The following TSHZ2 variants were observed in gnomAD, a reference collection of about 807,000 sequenced individuals.
TSHZ2 encodes the protein teashirt homolog 2.
In TSHZ2, 21 loss-of-function variants were observed where a neutral mutation model predicts 74.4. The ratio of observed to expected loss-of-function variants is 0.28; its 90% confidence interval spans 0.20 to 0.41. The LOEUF is 0.41. Among genes scored for constraint, TSHZ2 ranks in the 10% least tolerant of loss-of-function variants. The pLI is 1.00. For synonymous variants in TSHZ2, 540 were observed against 515.3 expected (o/e 1.05, Z -0.65); for missense variants, 1,244 against 1,293.5 (o/e 0.96, Z 0.59).
intron 1 of TSHZ2, among the ~76,000 whole-genome samples, chr20:53,245,626 C>A (rs73272887): frequency 0.017 from 2,548 of 152,282 alleles, 73 homozygotes; most frequent in African/African-American, 0.059. Context: ...CTCTAGAGAC[C>A]TTGTTAAATG....
At chr20:53,278,294 G>A (rs929867627) in intron 2 of TSHZ2, among the ~76,000 whole-genome samples, 2 of 152,172 alleles carry the variant, frequency 1.3e-5, no homozygotes, top group African/African-American at 4.8e-5. Flanking sequence ...ATTCTGAAAT[G>A]GTAGGTAGCC....
chr20:53,043,048 A>T (rs1227216730), intron 1 of TSHZ2, among the ~76,000 whole-genome samples: 1 of 152,228 alleles, frequency 6.6e-6, no homozygotes, highest in Non-Finnish European at 1.5e-5. Flanking sequence ...ACAGGTAAAT[A>T]AGAAATATTT....
chr20:53,438,115 CTTTTTTTTTTT>C (rs1156998063), intron 2 of TSHZ2, among the ~76,000 whole-genome samples: 1 of 133,590 alleles, frequency 7.5e-6, no homozygotes, highest in Non-Finnish European at 1.6e-5. Context: ...TTTTTTTTTT[CTTTTTTTTTTT>C]GGAGACAGAG....
chr20:53,468,965 G>A (rs1985649765), intron 2 of TSHZ2, among the ~76,000 whole-genome samples: 1 of 143,604 alleles, frequency 7.0e-6, no homozygotes, highest in African/African-American at 2.5e-5. Context: ...AGGAATGAAT[G>A]GTCTCATCAG....
chr20:53,458,426 T>C (rs1193459201), intron 2 of TSHZ2, among the ~76,000 whole-genome samples: 5 of 152,230 alleles, frequency 3.3e-5, no homozygotes, highest in Admixed American at 6.5e-5. Context: ...CATTTTTTAT[T>C]ACATCTATTT....
chr20:53,167,655 G>A (rs1411008612), intron 1 of TSHZ2, among the ~76,000 whole-genome samples: 1 of 152,106 alleles, frequency 6.6e-6, no homozygotes, highest in Non-Finnish European at 1.5e-5. Flanking sequence ...TTGGATGGCA[G>A]TTTAATTCAT....
At chr20:53,061,406 C>T (rs1273590545) in intron 1 of TSHZ2, among the ~76,000 whole-genome samples, 1 of 152,060 alleles carries the variant, frequency 6.6e-6, no homozygotes, top group South Asian at 2.1e-4. Context: ...TCAAAAGACA[C>T]CCTGAGTCAT....
intron 1 of TSHZ2, among the ~76,000 whole-genome samples, chr20:53,244,964 A>G (rs1990167443): frequency 6.6e-6 from 1 of 152,178 alleles, no homozygotes; most frequent in Non-Finnish European, 1.5e-5. Context: ...TATTGTGAAT[A>G]CCATCTAAAA....
At position 53,413,838 on chromosome 20, in the gene TSHZ2, T is replaced by A. The variant is rs182455228; in HGVS notation, c.*9-73306T>A. Among the ~76,000 whole-genome samples, 618 of 152,324 alleles carry A rather than the reference T, an allele frequency of 4.1e-3. 2 individuals are homozygous for A. The highest frequency in any genetic ancestry group is 6.5e-3 in the Non-Finnish European group (441 of 68,042). ...TCACCTTTGTGTTAAAAATAATATCTACATTATATCCAAAAAAGTTCTTAA... is the reference window on the plus strand; with the variant it reads ...TCACCTTTGTGTTAAAAATAATATCAACATTATATCCAAAAAAGTTCTTAA... On this transcript the variant is annotated intron_variant, in intron 2 of 2. Transcript: ENST00000371497.
At chr20:53,289,709 A>T (rs1291677316) in intron 2 of TSHZ2, among the ~76,000 whole-genome samples, 6 of 152,214 alleles carry the variant, frequency 3.9e-5, no homozygotes, top group African/African-American at 1.4e-4. Flanking sequence ...CTGAGCTGAG[A>T]CCTGAATGAA....
intron 1 of TSHZ2, among the ~76,000 whole-genome samples, chr20:53,067,615 C>T (rs1985032872): frequency 6.6e-6 from 1 of 152,222 alleles, no homozygotes; most frequent in Non-Finnish European, 1.5e-5. Context: ...CTTCCAGAGC[C>T]TTCTAAAGTA....
chr20:53,148,414 C>G (rs960063276), intron 1 of TSHZ2, among the ~76,000 whole-genome samples: 2 of 152,182 alleles, frequency 1.3e-5, no homozygotes, highest in Non-Finnish European at 2.9e-5. Flanking sequence ...AGTGATCCAG[C>G]TTCGAACCTC....
intron 2 of TSHZ2, among the ~76,000 whole-genome samples, chr20:53,372,902 G>A (rs1473353774): frequency 2.0e-5 from 3 of 152,102 alleles, no homozygotes; most frequent in Non-Finnish European, 2.9e-5. Flanking sequence ...AAAGCAAACC[G>A]CTTTTTCACT....
intron 1 of TSHZ2, among the ~76,000 whole-genome samples, chr20:53,224,254 G>A (rs768452656): frequency 5.9e-5 from 9 of 152,126 alleles, no homozygotes; most frequent in Non-Finnish European, 1.2e-4. Context: ...GCAAAGAACA[G>A]TAAAGGGGAT....
At position 53,130,495 on chromosome 20, in the gene TSHZ2, G is replaced by A. The variant is rs538124418; in HGVS notation, c.41-123004G>A. 6.9e-4 allele frequency among the ~76,000 whole-genome samples: 105 copies of A among 152,172 alleles called. 1 individual carries two copies. Among genetic ancestry groups the A allele is most frequent in the Non-Finnish European group, 1.2e-3 (82 of 68,000 alleles). The stretch of plus-strand genomic sequence containing the variant: ...CAAAAAGTTCGCCAGGTGTGGTGGC[G>A]TGAGCCTGCAGTTCCAGCTACTCAG... On this transcript the variant is annotated intron_variant, in intron 1 of 2. Transcript: ENST00000371497.
At chr20:53,062,620 T>C (rs571497190) in intron 1 of TSHZ2, among the ~76,000 whole-genome samples, 1 of 152,344 alleles carries the variant, frequency 6.6e-6, no homozygotes, top group Admixed American at 6.5e-5. Context: ...AGGGCCTTGC[T>C]CTGGATTAGG....
chr20:53,471,476 A>C (rs1376743461), intron 2 of TSHZ2, among the ~76,000 whole-genome samples: 1 of 152,244 alleles, frequency 6.6e-6, no homozygotes, highest in East Asian at 1.9e-4. Context: ...ACGCTGCAAT[A>C]AGTCTTATAA....
chr20:53,416,916 A>C (rs928654809), intron 2 of TSHZ2, among the ~76,000 whole-genome samples: 1 of 152,228 alleles, frequency 6.6e-6, no homozygotes, highest in Non-Finnish European at 1.5e-5. Context: ...TAATTCTTGA[A>C]AAAGGCTGAT....
chr20:53,412,939 G>GTC (rs1983105860), intron 2 of TSHZ2: 2 of 152,290 alleles, frequency 1.3e-5, no homozygotes, highest in African/African-American at 2.4e-5. Flanking sequence ...TCCCTGGCAG[G>GTC]CCTCGACATC....
Sources: gnomAD v4.1 joint callset for allele counts (sites outside exome capture counted in the v4.1 genomes callset) on GRCh38, gnomAD v4.1.1 for gene constraint, MANE v1.5 for transcripts, NCBI Gene and HGNC (gene_info 2026-07-23, HGNC 2026-07-21) for gene names.